The following DNAH2 variants were observed in gnomAD, a reference collection of about 807,000 sequenced individuals.
DNAH2 encodes dynein axonemal heavy chain 2.
Under a neutral mutation model 523.5 loss-of-function variants are expected in DNAH2, and 323 were observed. The observed-to-expected ratio is 0.62, with a 90% CI of 0.56 to 0.68. The LOEUF is 0.68. Among genes scored for constraint, DNAH2 ranks in the 30% least tolerant of loss-of-function variants. DNAH2 has a pLI of 0.00. For missense variants in DNAH2, 4,907 were observed against 5,701.5 expected (o/e 0.86, Z 4.49); for synonymous variants, 2,093 against 2,177.4 (o/e 0.96, Z 1.08).
rs2075603855 is a variant in DNAH2, at chr17:7,749,303, CCCCCCAA to C, written c.1904+6162_1904+6168del. Among the ~76,000 whole-genome samples, 13 of 17,782 alleles carry C rather than the reference CCCCCCAA, an allele frequency of 7.3e-4. 3 individuals carry two copies. The East Asian group carries it at 0.011, about 15-fold the overall frequency. 11.7% of individuals were successfully genotyped at this position (17,782 alleles called of 152,430 possible). A position where few individuals can be genotyped will look rare whatever the true frequency, so the allele number is the denominator to read the frequency against. On this transcript the variant is annotated intron_variant, in intron 12 of 85. Coordinates refer to ENST00000572933, the MANE Select transcript of DNAH2 (RefSeq NM_020877.5). ...AGCCTGGGCAACAAGAGCTAAACTC[CCCCCCAA>C]AAAAAAAAAAAAAAAAAAAAAAAAA... is the stretch of plus-strand genomic sequence containing the variant.
chr17:7,804,450 C>A lies in DNAH2; in HGVS notation c.9167C>A (p.Ala3056Glu). The change falls in exon 59 of 86, where the codon GCA becomes GAA. Residue 3056 changes from alanine to glutamate, a missense_variant. Transcript: ENST00000572933. Reference protein sequence around the residue: ...LVIIVQQKREADEQQKAVTAN... With the variant: ...LVIIVQQKREEDEQQKAVTAN... The stretch of plus-strand genomic sequence containing the variant: ...ATCATTGTGCAGCAGAAGCGGGAGG[C>A]AGATGAGCAGCAGAAGGTCCAGGGC... 6.2e-7 allele frequency: 1 copy of A among 1,613,638 alleles called. No individual in the cohort carries two copies. Among genetic ancestry groups the A allele is most frequent in the Non-Finnish European group, 8.5e-7 (1 of 1,180,010 alleles).
In DNAH2 at chr17:7,770,359, A is replaced by C; in HGVS notation, c.4049A>C (p.Lys1350Thr). The C allele has an allele frequency of 6.2e-7, 1 of 1,614,012 alleles. No homozygotes were observed. The highest frequency in any genetic ancestry group is 8.5e-7 in the Non-Finnish European group (1 of 1,179,994). The change falls in exon 25 of 86, where the codon AAA becomes ACA. Residue 1350 changes from lysine to threonine, a missense_variant. Around this residue, in one of 3 missense-constraint regions of DNAH2, gnomAD observed 2,806 missense variants for 3,190.8 expected, o/e 0.88. Coordinates refer to ENST00000572933, the MANE Select transcript of DNAH2 (RefSeq NM_020877.5). Reference sequence around the variant, plus strand: ...CTTGGGATGGATCAGCATGTGGAGAAAATTGGGGAGATCTCTGCTTCAGCA... The same window carrying C: ...CTTGGGATGGATCAGCATGTGGAGACAATTGGGGAGATCTCTGCTTCAGCA... Reference protein sequence around the residue: ...VELGMDQHVEKIGEISASATK... With the variant: ...VELGMDQHVETIGEISASATK...
chr17:7,719,950 G>C lies in DNAH2; in HGVS notation c.166+50G>C, dbSNP rs898836149. 3.4e-6 allele frequency: 5 copies of C among 1,451,614 alleles called. No homozygotes were observed. The African/African-American group carries it at 7.2e-5, about 21-fold the overall frequency. The allele number at this position is 1,451,614 out of a possible 1,614,324, so 89.9% of individuals were successfully genotyped here. On this transcript the variant is annotated intron_variant, in intron 2 of 85. Coordinates refer to ENST00000572933, the MANE Select transcript of DNAH2 (RefSeq NM_020877.5). The stretch of plus-strand genomic sequence containing the variant: ...TGCTTAGCAATGGAGGGTGGGGAAA[G>C]TCAGAGGGGCTTGGAGGCATTTTAG...
At chr17:7,777,340 G>GT (rs2076483535) in intron 32 of DNAH2, 106 bp from the exon 33 acceptor site, 1 of 1,222,814 alleles carries the variant, frequency 8.2e-7, no homozygotes, top group South Asian at 1.3e-5. Context: ...GTTACAGCAG[G>GT]TGGGGTCAGC....
intron 56 of DNAH2, among the ~76,000 whole-genome samples, chr17:7,800,086 G>C (rs7224813): frequency 0.83 from 125,804 of 152,242 alleles, 53,712 homozygotes; most frequent in Non-Finnish European, 0.94. Flanking sequence ...GAGTCTCGCT[G>C]TGTTGCCCAG....
intron 18 of DNAH2, among the ~76,000 whole-genome samples, chr17:7,761,765 G>A (rs186672424): frequency 9.2e-5 from 14 of 152,250 alleles, no homozygotes; most frequent in East Asian, 7.7e-4. Context: ...GATTATAGGC[G>A]TAAGCCATTA....
intron 60 of DNAH2, 26 bp downstream of exon 60, chr17:7,805,100 G>A (rs749012223): frequency 6.2e-6 from 10 of 1,607,542 alleles, no homozygotes; most frequent in Admixed American, 1.7e-5. Context: ...GCAAGGATGG[G>A]AGCCAGGAAC....
intron 2 of DNAH2, among the ~76,000 whole-genome samples, chr17:7,720,423 C>T (rs1228575805): frequency 6.6e-6 from 1 of 152,120 alleles, no homozygotes; most frequent in East Asian, 1.9e-4. Flanking sequence ...TGCGGAGGTT[C>T]AGGTTCAGGA....
rs58049067 is a variant in DNAH2, at chr17:7,718,243, T to C, written c.-571T>C. 25,386 of 152,082 alleles carry C rather than the reference T, an allele frequency of 0.17. 2,696 individuals are homozygous for C. The highest frequency in any genetic ancestry group is 0.3 in the African/African-American group (12,508 of 41,438). The allele number at this position is 152,082 out of a possible 1,614,324, so 9.4% of individuals were successfully genotyped here. On this transcript the variant is annotated 5_prime_UTR_variant, in exon 1 of 86. Transcript: ENST00000572933. ...CGGTGCATGCGCCTCAGGCTCTAGT[T>C]TGAGGCAGGAAAGCGCAGCTTGATG...
At chr17:7,797,100 CCAAA>C in intron 50 of DNAH2, 72 bp from the exon 51 acceptor site, 1 of 1,023,048 alleles carries the variant, frequency 9.8e-7, no homozygotes, top group Non-Finnish European at 1.4e-6. Context: ...AGACTCTGTC[CCAAA>C]AAAAAAAAAA....
At chr17:7,756,372 C>A (rs2075838450) in intron 12 of DNAH2, among the ~76,000 whole-genome samples, 1 of 151,972 alleles carries the variant, frequency 6.6e-6, no homozygotes. Flanking sequence ...ACCTCCCGGG[C>A]TCAAGCAATC....
chr17:7,758,363 AC>A lies in DNAH2; in HGVS notation c.2052-131del, dbSNP rs556239615. 7.1e-5 allele frequency: 83 copies of A among 1,161,066 alleles called. No individual in the cohort carries two copies. The African/African-American group carries it at 1.2e-3, about 17-fold the overall frequency. 71.9% of individuals were successfully genotyped at this position (1,161,066 alleles called of 1,614,324 possible). A position where few individuals can be genotyped will look rare whatever the true frequency, so the allele number is the denominator to read the frequency against. ...CATTGCAAAAAGTTCTTTTGGAAGT[AC>A]TAGTCTAGAATCTAGTCTAGAATCT... On this transcript the variant is annotated intron_variant, in intron 13 of 85. Coordinates refer to ENST00000572933, the MANE Select transcript of DNAH2 (RefSeq NM_020877.5).
chr17:7,732,996 G>A, intron 4 of DNAH2, 91 bp from the exon 5 acceptor site: 1 of 1,282,084 alleles, frequency 7.8e-7, no homozygotes, highest in Non-Finnish European at 1.1e-6. Context: ...GATACCCTGA[G>A]GGACGTGAGA....
At chr17:7,756,612 A>C (rs962595340) in intron 12 of DNAH2, among the ~76,000 whole-genome samples, 2 of 152,058 alleles carry the variant, frequency 1.3e-5, no homozygotes, top group African/African-American at 2.4e-5. Flanking sequence ...AACATTCCCC[A>C]AATATCATTC....
rs113847055 is a variant in DNAH2, at chr17:7,819,057, G to A, written c.10809G>A (p.Ala3603=). The A allele has an allele frequency of 7.4e-5, 118 of 1,604,594 alleles. No individual in the cohort carries two copies. In the African/African-American group the frequency reaches 7.9e-4, roughly 11 times the overall value. The change falls in exon 71 of 86, where the codon GCG becomes GCA. Residue 3603 remains alanine, a synonymous_variant. Coordinates refer to ENST00000572933, the MANE Select transcript of DNAH2 (RefSeq NM_020877.5). The part of the protein sequence containing the change: ...SETTEINTDL[A]REAYRPCAQR... The stretch of plus-strand genomic sequence containing the variant: ...CCACAGAGATCAACACTGACTTGGC[G>A]CGGGAGGTAAGCTCCCGGCCCTCCA...
intron 4 of DNAH2, among the ~76,000 whole-genome samples, chr17:7,727,776 A>G (rs2074869323): frequency 6.6e-6 from 1 of 151,246 alleles, no homozygotes; most frequent in Non-Finnish European, 1.5e-5. Flanking sequence ...AAAAAAAAAA[A>G]AAGAATGTTG....
rs771931364 is a variant in DNAH2 at position 7,831,577 on chromosome 17, G to T, written c.12611+36G>T. On this transcript the variant is annotated intron_variant, in intron 81 of 85. Transcript: ENST00000572933. This position sits in a 1 kb window ranked among gnomAD's most constrained non-coding sequence, Gnocchi z 4.2. The stretch of plus-strand genomic sequence containing the variant: ...GGGGGACTCTGCGGAACAGGGGAGG[G>T]TGTGAGGAGAAGCCTTTGCCTTCTG... 6.2e-7 allele frequency: 1 copy of T among 1,613,904 alleles called. No homozygotes were observed. The highest frequency in any genetic ancestry group is 8.5e-7 in the Non-Finnish European group (1 of 1,179,878).
At chr17:7,816,757 G>C in intron 64 of DNAH2, 22 bp downstream of exon 64, 12 of 1,610,068 alleles carry the variant, frequency 7.5e-6, no homozygotes, top group Non-Finnish European at 1.0e-5. Context: ...TGTACTACCT[G>C]GTGTCCTTTC....
rs1214913774 is a variant in DNAH2, at chr17:7,778,144, A to T, written c.5315A>T (p.Asn1772Ile). Residue 1772 changes from asparagine to isoleucine, a missense_variant, in exon 34 of 86, where the codon AAC becomes ATC. Physicochemically the swap from Asn to Ile is moderately radical, Grantham distance 149. Around this residue, in one of 3 missense-constraint regions of DNAH2, gnomAD observed 2,806 missense variants for 3,190.8 expected, o/e 0.88. Coordinates refer to ENST00000572933, the MANE Select transcript of DNAH2 (RefSeq NM_020877.5). ...QFQYNYEYLGNSGRLVITPLT... is the reference protein window; with the variant it reads ...QFQYNYEYLGISGRLVITPLT... ...CAGTATAATTATGAGTACTTGGGTA[A>T]CTCGGGCCGGCTCGTCATCACCCCC... is the stretch of plus-strand genomic sequence containing the variant. 6.2e-7 allele frequency: 1 copy of T among 1,614,074 alleles called. No individual in the cohort carries two copies. The highest frequency in any genetic ancestry group is 1.7e-5 in the Admixed American group (1 of 60,018).
Sources: gnomAD v4.1 joint callset for allele counts (sites outside exome capture counted in the v4.1 genomes callset) on GRCh38, gnomAD v4.1.1 for gene constraint, gnomAD v4.1.1 regional missense constraint, Gnocchi (gnomAD v3.1) non-coding constraint, MANE v1.5 for transcripts, NCBI Gene and HGNC (gene_info 2026-07-23, HGNC 2026-07-21) for gene names.